The following AGPAT5 variants were observed in gnomAD, a reference collection of about 807,000 sequenced individuals.
AGPAT5 encodes the protein 1-acyl-sn-glycerol-3-phosphate acyltransferase epsilon.
Under a neutral mutation model 45.6 loss-of-function variants are expected in AGPAT5, and 46 were observed. That is an observed-to-expected ratio of 1.01 (90% CI 0.80 to 1.29). The LOEUF is 1.29. Ranked by LOEUF, AGPAT5 falls within the 50% of genes most tolerant of loss-of-function variation. The pLI is 0.00. For missense variants in AGPAT5, 673 were observed against 450.7 expected (o/e 1.49, Z -4.47); for synonymous variants, 272 against 167.0 (o/e 1.63, Z -4.85).
intron 3 of AGPAT5, among the ~76,000 whole-genome samples, chr8:6,731,596 C>T (rs956776689): frequency 6.6e-6 from 1 of 151,866 alleles, no homozygotes; most frequent in African/African-American, 2.4e-5. Flanking sequence ...AGATGTGGAA[C>T]TCATGGATGT....
Position 6,761,409 on chromosome 8 carries a change from CTT to C in AGPAT5, c.*4023_*4024del, listed in dbSNP as rs1222528359. 6.6e-6 allele frequency among the ~76,000 whole-genome samples: 1 copy of C among 152,006 alleles called. No homozygotes were observed. Among genetic ancestry groups the C allele is most frequent in the African/African-American group, 2.4e-5 (1 of 41,398 alleles). On this transcript the variant is annotated 3_prime_UTR_variant, in exon 8 of 8. Coordinates refer to ENST00000285518, the MANE Select transcript of AGPAT5 (RefSeq NM_018361.5). ...AATACTTGACTAACTCTTTTTGTCTCTTTATGGTATTTTCAGAATAAAGTCTG... is the reference window on the plus strand; with the variant it reads ...AATACTTGACTAACTCTTTTTGTCTCTATGGTATTTTCAGAATAAAGTCTG...
intron 3 of AGPAT5, 97 bp from the exon 4 acceptor site, chr8:6,732,464 A>T: frequency 1.2e-6 from 1 of 803,020 alleles, no homozygotes; most frequent in Non-Finnish European, 1.9e-6. Context: ...TGTAGTTTTC[A>T]TTCTGTACTT....
intron 2 of AGPAT5, among the ~76,000 whole-genome samples, chr8:6,725,626 T>A (rs991338614): frequency 6.6e-6 from 1 of 152,226 alleles, no homozygotes; most frequent in East Asian, 1.9e-4. Context: ...GAAATTGTCA[T>A]TGGGTAAGGT....
chr8:6,740,039 T>G (rs1051656230), intron 4 of AGPAT5, among the ~76,000 whole-genome samples: 1 of 152,164 alleles, frequency 6.6e-6, no homozygotes, highest in Non-Finnish European at 1.5e-5. Context: ...CCATATGTGT[T>G]GTTATCCTTT....
At chr8:6,741,068 C>A (rs1267475031) in intron 4 of AGPAT5, among the ~76,000 whole-genome samples, 4 of 152,044 alleles carry the variant, frequency 2.6e-5, no homozygotes, top group Non-Finnish European at 5.9e-5. Context: ...GCTTGATATT[C>A]TTCTTTATAT....
In AGPAT5 at chr8:6,713,047, C is replaced by T. The variant is rs571567546; in HGVS notation, c.219+4160C>T. Among the ~76,000 whole-genome samples, 24 of 152,296 alleles carry T rather than the reference C, an allele frequency of 1.6e-4. No individual in the cohort carries two copies. In the South Asian group the frequency reaches 1.7e-3, roughly 11 times the overall value. On this transcript the variant is annotated intron_variant, in intron 1 of 7. Coordinates refer to ENST00000285518, the MANE Select transcript of AGPAT5 (RefSeq NM_018361.5). The stretch of plus-strand genomic sequence containing the variant: ...TTCTTCTGTCACCCAGGCTCTGGTG[C>T]GGTGGCACCATCATTGCTCATTGCA...
rs1376009903 is a variant in AGPAT5 at position 6,758,908 on chromosome 8, G to A, written c.*1520G>A. 1 of 152,680 alleles carries A rather than the reference G, an allele frequency of 6.5e-6. No individual in the cohort carries two copies. Among genetic ancestry groups the A allele is most frequent in the Non-Finnish European group, 1.5e-5 (1 of 68,046 alleles). 9.5% of individuals were successfully genotyped at this position (152,680 alleles called of 1,614,324 possible). A position where few individuals can be genotyped will look rare whatever the true frequency, so the allele number is the denominator to read the frequency against. The stretch of plus-strand genomic sequence containing the variant: ...ACATTAAACATACCAGTTGGATCAT[G>A]ATAAGCAAAATGAAAGAAATAATGA... On this transcript the variant is annotated 3_prime_UTR_variant, in exon 8 of 8. Coordinates refer to ENST00000285518, the MANE Select transcript of AGPAT5 (RefSeq NM_018361.5).
intron 2 of AGPAT5, among the ~76,000 whole-genome samples, chr8:6,726,131 A>G (rs2980685): frequency 0.53 from 81,169 of 152,028 alleles, 21,878 homozygotes; most frequent in African/African-American, 0.59. Context: ...ACTCTTGGCA[A>G]AAATAGCAAA....
In AGPAT5 at chr8:6,708,850, T is replaced by G. The variant is rs1800030739; in HGVS notation, c.182T>G (p.Met61Arg). The part of the protein sequence containing the change: ...DDRLYCVYQS[M>R]VLFFFENYTG... ...CGGCTCTACTGCGTCTACCAGAGCATGGTGCTCTTCTTCTTCGAGAATTAC... is the reference window on the plus strand; with the variant it reads ...CGGCTCTACTGCGTCTACCAGAGCAGGGTGCTCTTCTTCTTCGAGAATTAC... The change falls in exon 1 of 8, where the codon ATG (methionine) becomes AGG (arginine). Residue 61 changes from methionine to arginine, a missense_variant. Coordinates refer to ENST00000285518, the MANE Select transcript of AGPAT5 (RefSeq NM_018361.5). 1.9e-6 allele frequency: 3 copies of G among 1,610,858 alleles called. No homozygotes were observed. The highest frequency in any genetic ancestry group is 1.3e-5 in the African/African-American group (1 of 74,788).
chr8:6,751,163 A>G lies in AGPAT5; in HGVS notation c.745+3335A>G, dbSNP rs376501434. 9.2e-5 allele frequency among the ~76,000 whole-genome samples: 14 copies of G among 152,308 alleles called. No homozygotes were observed. In the East Asian group the frequency reaches 2.1e-3, roughly 23 times the overall value. On this transcript the variant is annotated intron_variant, in intron 6 of 7. Coordinates refer to ENST00000285518, the MANE Select transcript of AGPAT5 (RefSeq NM_018361.5). ...CACTTTAAATTATATGACATCTGAT[A>G]TAAGTTGTGTTAGGTAGAAAATTCT...
rs546218716 is a variant in AGPAT5 at position 6,757,861 on chromosome 8, A to C, written c.*473A>C. On this transcript the variant is annotated 3_prime_UTR_variant, in exon 8 of 8. Transcript: ENST00000285518. Reference sequence around the variant, plus strand: ...TTATTTCTACAAGTCAGTGAAATAAATTGTATTTAGGAAGTGTCAGGATGT... The same window carrying C: ...TTATTTCTACAAGTCAGTGAAATAACTTGTATTTAGGAAGTGTCAGGATGT... 6.5e-6 allele frequency: 1 copy of C among 154,008 alleles called. No individual in the cohort carries two copies. The highest frequency in any genetic ancestry group is 1.4e-5 in the Non-Finnish European group (1 of 69,242). 9.5% of individuals were successfully genotyped at this position (154,008 alleles called of 1,614,324 possible).
chr8:6,716,020 C>T (rs768876288), intron 1 of AGPAT5, among the ~76,000 whole-genome samples: 20 of 152,070 alleles, frequency 1.3e-4, no homozygotes, highest in African/African-American at 2.4e-4. Flanking sequence ...CCTTCTGGGC[C>T]GCCCCTCCCC....
rs1424680104 is a variant in AGPAT5, at chr8:6,755,165, T to C, written c.860T>C (p.Ile287Thr). 6.3e-7 allele frequency: 1 copy of C among 1,598,430 alleles called. No individual in the cohort carries two copies. The highest frequency in any genetic ancestry group is 1.2e-5 in the South Asian group (1 of 86,448). Reference protein sequence around the residue: ...MRRWLHERFEIKDKMLIEFYE... With the variant: ...MRRWLHERFETKDKMLIEFYE... ...AGATGGCTGCATGAACGTTTCGAAA[T>C]CAAAGATAAGTGAGTAACAACAGTT... Residue 287 changes from isoleucine to threonine, a missense_variant, in exon 7 of 8, where the codon ATC (isoleucine) becomes ACC (threonine). Transcript: ENST00000285518.
intron 5 of AGPAT5, chr8:6,746,074 G>A (rs963780396): frequency 8.2e-6 from 1 of 121,760 alleles, no homozygotes; most frequent in African/African-American, 3.5e-5. Flanking sequence ...TTTTCTTTCT[G>A]CATTCTTCTC....
chr8:6,744,348 C>G (rs1398450777), intron 5 of AGPAT5, among the ~76,000 whole-genome samples: 3 of 152,230 alleles, frequency 2.0e-5, no homozygotes, highest in East Asian at 1.9e-4. Flanking sequence ...TAACGGCACT[C>G]TCGCTCTTAA....
rs191476398 is a variant in AGPAT5 at position 6,731,395 on chromosome 8, T to A, written c.405+569T>A. On this transcript the variant is annotated intron_variant, in intron 3 of 7. Transcript: ENST00000285518. ...AGGTGTTCAAGACCCTCATATAGAA[T>A]GGGATAGTATTTGCATATAACCTGT... Among the ~76,000 whole-genome samples the A allele has an allele frequency of 3.9e-5, 6 of 152,318 alleles. No individual in the cohort carries two copies. In the East Asian group the frequency reaches 9.6e-4, roughly 24 times the overall value.
intron 6 of AGPAT5, among the ~76,000 whole-genome samples, chr8:6,749,043 T>TA (rs1801568279): frequency 6.6e-6 from 1 of 152,340 alleles, no homozygotes; most frequent in African/African-American, 2.4e-5. Context: ...TGCCCAACCT[T>TA]ACACGTAGGC....
intron 1 of AGPAT5, 100 bp downstream of exon 1, chr8:6,708,987 C>T (rs1380226277): frequency 5.1e-6 from 6 of 1,179,316 alleles, no homozygotes; most frequent in East Asian, 5.1e-5. Flanking sequence ...CCCGGCCGGC[C>T]CGGCGGACCC....
intron 5 of AGPAT5, among the ~76,000 whole-genome samples, chr8:6,747,365 G>C (rs748002311): frequency 1.3e-5 from 2 of 152,198 alleles, no homozygotes; most frequent in African/African-American, 4.8e-5. Context: ...CCAGAAGCGA[G>C]GGCACTAATA....
Sources: gnomAD v4.1 joint callset for allele counts (sites outside exome capture counted in the v4.1 genomes callset) on GRCh38, gnomAD v4.1.1 for gene constraint, MANE v1.5 for transcripts, NCBI Gene and HGNC (gene_info 2026-07-23, HGNC 2026-07-21) for gene names.